The following TXNRD1 variants were observed in gnomAD, a reference collection of about 807,000 sequenced individuals.
TXNRD1 encodes the protein thioredoxin reductase 1, cytoplasmic.
In TXNRD1, 57 loss-of-function variants were observed where a neutral mutation model predicts 80.3. The observed-to-expected ratio is 0.71, with a 90% CI of 0.57 to 0.89. TXNRD1 has a LOEUF of 0.89. TXNRD1 is among the 40% of genes least tolerant of loss of function. The probability of loss-of-function intolerance (pLI) is 0.00; values close to 1 mark genes in which losing one functional copy is unlikely to be tolerated. For missense variants in TXNRD1, 730 were observed against 803.0 expected (o/e 0.91, Z 1.10); for synonymous variants, 291 against 285.2 (o/e 1.02, Z -0.20).
chr12:104,227,181 A>G (rs2032490906), intron 1 of TXNRD1, among the ~76,000 whole-genome samples: 1 of 152,180 alleles, frequency 6.6e-6, no homozygotes, highest in South Asian at 2.1e-4. Flanking sequence ...ATCTAGTAGG[A>G]TATCTTTTTA....
chr12:104,291,196 CTTTT>C (rs35069007), intron 4 of TXNRD1: 2,070 of 135,650 alleles, frequency 0.015, no homozygotes, highest in South Asian at 0.033. Flanking sequence ...TACTTTGTGT[CTTTT>C]TTTTTTTTTT....
In TXNRD1 at chr12:104,349,024, C is replaced by T. The variant is rs1339733263; in HGVS notation, c.*603C>T. On this transcript the variant is annotated 3_prime_UTR_variant, in exon 17 of 17. Transcript: ENST00000525566. The stretch of plus-strand genomic sequence containing the variant: ...TCAGCAGTTTCTTCTCTCATATATT[C>T]CCAAAACAAGTACATCTGCGATCAA... The T allele has an allele frequency of 6.6e-6, 1 of 152,314 alleles. No individual in the cohort carries two copies. The highest frequency in any genetic ancestry group is 1.5e-5 in the Non-Finnish European group (1 of 68,142). The allele number at this position is 152,314 out of a possible 1,614,324, so 9.4% of individuals were successfully genotyped here. A position where few individuals can be genotyped will look rare whatever the true frequency, so the allele number is the denominator to read the frequency against.
intron 7 of TXNRD1, among the ~76,000 whole-genome samples, chr12:104,318,601 C>T (rs1446304053): frequency 6.6e-6 from 1 of 152,146 alleles, no homozygotes; most frequent in African/African-American, 2.4e-5. Flanking sequence ...AACACAGAAT[C>T]CTAAGCCTTA....
intron 15 of TXNRD1, among the ~76,000 whole-genome samples, chr12:104,335,329 G>A (rs933879246): frequency 3.3e-5 from 5 of 151,262 alleles, no homozygotes; most frequent in African/African-American, 1.2e-4. Flanking sequence ...AGCCTCCCAA[G>A]TAGCTGGGAT....
intron 3 of TXNRD1, among the ~76,000 whole-genome samples, chr12:104,260,619 G>A (rs1033341551): frequency 1.3e-5 from 2 of 152,064 alleles, no homozygotes; most frequent in African/African-American, 4.8e-5. Context: ...GCTCCTCTAC[G>A]GTGACCCTTC....
intron 3 of TXNRD1, among the ~76,000 whole-genome samples, chr12:104,270,872 G>A (rs1164599036): frequency 6.6e-6 from 1 of 152,120 alleles, no homozygotes; most frequent in African/African-American, 2.4e-5. Flanking sequence ...TAACTAGCCG[G>A]GTGTGGTGGC....
chr12:104,327,631 G>A lies in TXNRD1; in HGVS notation c.1502G>A (p.Arg501Lys). 6.2e-7 allele frequency: 1 copy of A among 1,613,710 alleles called. No individual in the cohort carries two copies. The highest frequency in any genetic ancestry group is 8.5e-7 in the Non-Finnish European group (1 of 1,179,848). ...ELTPVAIQAG[R>K]LLAQRLYAGS... ...ACCCCAGTTGCAATCCAGGCAGGAAGATTGCTGGCTCAGAGGCTCTATGCA... is the reference window on the plus strand; with the variant it reads ...ACCCCAGTTGCAATCCAGGCAGGAAAATTGCTGGCTCAGAGGCTCTATGCA... The change falls in exon 13 of 17, where the codon AGA becomes AAA. Residue 501 changes from arginine (R) to lysine (K), a missense_variant. Transcript: ENST00000525566.
At chr12:104,265,189 T>C (rs2033448409) in intron 3 of TXNRD1, 1 of 892,440 alleles carries the variant, frequency 1.1e-6, no homozygotes. Context: ...GAGGTGGAGG[T>C]TGCAGTGAGC....
At chr12:104,227,372 C>T (rs1460634590) in intron 1 of TXNRD1, among the ~76,000 whole-genome samples, 2 of 152,042 alleles carry the variant, frequency 1.3e-5, no homozygotes, top group Non-Finnish European at 2.9e-5. Context: ...GGTAATCCTC[C>T]TGCTTGAGCC....
At chr12:104,289,124 G>A in intron 4 of TXNRD1, 84 bp downstream of exon 4, 1 of 1,502,362 alleles carries the variant, frequency 6.7e-7, no homozygotes, top group Non-Finnish European at 9.0e-7. Context: ...TAAAGCCAGC[G>A]TGGATGTGAC....
intron 1 of TXNRD1, among the ~76,000 whole-genome samples, chr12:104,250,769 G>C: frequency 6.6e-6 from 1 of 152,170 alleles, no homozygotes; most frequent in East Asian, 1.9e-4. Flanking sequence ...AATCACCTAA[G>C]GAACAAGTAG....
chr12:104,281,652 C>T (rs186298150), intron 3 of TXNRD1, among the ~76,000 whole-genome samples: 26 of 152,064 alleles, frequency 1.7e-4, no homozygotes, highest in African/African-American at 4.8e-4. Flanking sequence ...GTGATCCGCC[C>T]GCCTCAGCCT....
rs1304462008 is a variant in TXNRD1, at chr12:104,254,642, A to T, written c.243+2964A>T. Among the ~76,000 whole-genome samples the T allele has an allele frequency of 2.1e-3, 223 of 104,532 alleles. 5 individuals are homozygous for T. Among genetic ancestry groups the T allele is most frequent in the African/African-American group, 0.012 (221 of 19,004 alleles). 68.6% of individuals were successfully genotyped at this position (104,532 alleles called of 152,430 possible). A position where few individuals can be genotyped will look rare whatever the true frequency, so the allele number is the denominator to read the frequency against. On this transcript the variant is annotated intron_variant, in intron 2 of 16. Coordinates refer to ENST00000525566, the MANE Select transcript of TXNRD1 (RefSeq NM_001093771.3). ...CTCTATGTCTATGGAAAAAAAAAAA[A>T]AAATATATATATATATATATATATC... is the stretch of plus-strand genomic sequence containing the variant.
chr12:104,286,595 T>C, intron 3 of TXNRD1: 2 of 471,182 alleles, frequency 4.2e-6, no homozygotes, highest in Non-Finnish European at 5.5e-6. Context: ...AGTTTTTTTT[T>C]TTTTTTTAAA....
intron 11 of TXNRD1, 118 bp from the exon 12 acceptor site, chr12:104,326,227 ATT>A (rs2035756897): frequency 1.4e-6 from 1 of 691,082 alleles, no homozygotes; most frequent in African/African-American, 1.9e-5. Context: ...TTACTGAAAT[ATT>A]TATTTCCAAG....
At chr12:104,252,686 A>ATTTTTT (rs2033150039) in intron 2 of TXNRD1, among the ~76,000 whole-genome samples, 2 of 83,948 alleles carry the variant, frequency 2.4e-5, no homozygotes, top group African/African-American at 4.9e-5. Context: ...ATATATATAT[A>ATTTTTT]TATATTTTTT....
intron 13 of TXNRD1, among the ~76,000 whole-genome samples, chr12:104,328,706 C>G (rs911914150): frequency 8.2e-5 from 12 of 146,776 alleles, no homozygotes; most frequent in Non-Finnish European, 4.5e-5. Context: ...TTGCCGTGAG[C>G]CGAGATTGCA....
intron 4 of TXNRD1, chr12:104,309,780 C>T: frequency 1.3e-6 from 2 of 1,532,236 alleles, no homozygotes. Flanking sequence ...GAAGGAGGAA[C>T]CTTGGCCATA....
intron 16 of TXNRD1, 119 bp downstream of exon 16, chr12:104,339,392 G>A: frequency 7.3e-7 from 1 of 1,374,992 alleles, no homozygotes; most frequent in South Asian, 1.2e-5. Flanking sequence ...CCTCAAAAGA[G>A]GGCTTTGTCT....
Sources: gnomAD v4.1 joint callset for allele counts (sites outside exome capture counted in the v4.1 genomes callset) on GRCh38, gnomAD v4.1.1 for gene constraint, MANE v1.5 for transcripts, NCBI Gene and HGNC (gene_info 2026-07-23, HGNC 2026-07-21) for gene names.